Variants in THOC5 observed in about 807,000 individuals in gnomAD.
THOC5 encodes the protein THO complex subunit 5.
THOC5 carries 43 observed loss-of-function variants against 92.9 expected under a neutral mutation model. The ratio of observed to expected loss-of-function variants is 0.46; its 90% confidence interval spans 0.36 to 0.60. The LOEUF is 0.60. Among genes scored for constraint, THOC5 ranks in the 20% least tolerant of loss-of-function variants. The probability of loss-of-function intolerance (pLI) is 0.00; values close to 1 mark genes in which losing one functional copy is unlikely to be tolerated. For missense variants in THOC5, 659 were observed against 849.4 expected, an observed-to-expected ratio of 0.78 and a Z score of 2.79; for synonymous variants, 296 against 320.1, an observed-to-expected ratio of 0.92 and a Z score of 0.80.
At chr22:29,516,896 G>C in intron 17 of THOC5, 133 bp downstream of exon 17, 1 of 773,124 alleles carries the variant, frequency 1.3e-6, no homozygotes, top group Non-Finnish European at 2.2e-6. Flanking sequence ...TTGCTGAACA[G>C]GCTCTCACGA....
chr22:29,514,441 C>G (rs1264368680), intron 17 of THOC5, among the ~76,000 whole-genome samples: 1 of 151,088 alleles, frequency 6.6e-6, no homozygotes, highest in South Asian at 2.1e-4. Context: ...CTCACCCTCC[C>G]GAGTAGCTGG....
At chr22:29,537,870 G>A (rs764087344) in intron 6 of THOC5, among the ~76,000 whole-genome samples, 140 of 152,076 alleles carry the variant, frequency 9.2e-4, no homozygotes, top group African/African-American at 1.5e-3. Flanking sequence ...CAGCCTGGGC[G>A]ACAAGAGTGA....
At chr22:29,522,781 T>C (rs778965844) in intron 12 of THOC5, among the ~76,000 whole-genome samples, 3 of 151,760 alleles carry the variant, frequency 2.0e-5, no homozygotes, top group Non-Finnish European at 2.9e-5. Flanking sequence ...GGCGGGCAGA[T>C]CATGAGGTCA....
intron 12 of THOC5, among the ~76,000 whole-genome samples, 181 bp downstream of exon 12, chr22:29,525,657 C>T (rs1029799786): frequency 6.6e-6 from 1 of 152,176 alleles, no homozygotes; most frequent in Non-Finnish European, 1.5e-5. Context: ...AAATTAAAGT[C>T]AGAGAGTGCT....
chr22:29,534,334 TCTCTGGGATTTTGGGTG>T (rs2063712034), intron 7 of THOC5, among the ~76,000 whole-genome samples: 1 of 152,222 alleles, frequency 6.6e-6, no homozygotes, highest in Non-Finnish European at 1.5e-5. Context: ...TAATGTTCTT[TCTCTGGGATTTTGGGTG>T]CTGGTTATAC....
chr22:29,548,237 T>C (rs537912288), intron 2 of THOC5, among the ~76,000 whole-genome samples: 1 of 152,202 alleles, frequency 6.6e-6, no homozygotes, highest in Admixed American at 6.6e-5. Flanking sequence ...TCAATCAAAA[T>C]GGCTGCATGA....
chr22:29,549,462 T>C lies in THOC5; in HGVS notation c.-11-304A>G, dbSNP rs547649558. Among the ~76,000 whole-genome samples, 670 of 152,274 alleles carry C rather than the reference T, an allele frequency of 4.4e-3. 2 individuals carry two copies. Among genetic ancestry groups the C allele is most frequent in the Middle Eastern group, 0.024 (7 of 294 alleles). On this transcript the variant is annotated intron_variant, in intron 1 of 19. Coordinates refer to ENST00000490103, the MANE Select transcript of THOC5 (RefSeq NM_003678.5). Reference sequence around the variant, plus strand: ...ACACTCTCCATAGAGGAGACCTGCATTCAAGTGTTCACCCAGCTATCCAGG... The same window carrying C: ...ACACTCTCCATAGAGGAGACCTGCACTCAAGTGTTCACCCAGCTATCCAGG...
Position 29,507,413 on chromosome 22 carries a change from G to A in THOC5, c.*1044C>T, listed in dbSNP as rs1407450835. The A allele has an allele frequency of 6.6e-6, 1 of 152,206 alleles. No homozygotes were observed. Among genetic ancestry groups the A allele is most frequent in the Non-Finnish European group, 1.5e-5 (1 of 68,044 alleles). The allele number at this position is 152,206 out of a possible 1,614,324, so 9.4% of individuals were successfully genotyped here. ...GAGTCTCACTCTCGCCCAAGCCGGA[G>A]CGCAGGAGCGTGATCTTGGCTTACT... is the stretch of plus-strand genomic sequence containing the variant. On this transcript the variant is annotated 3_prime_UTR_variant, in exon 20 of 20. Coordinates refer to ENST00000490103, the MANE Select transcript of THOC5 (RefSeq NM_003678.5).
chr22:29,543,401 G>A, intron 4 of THOC5, 28 bp downstream of exon 4: 1 of 1,381,864 alleles, frequency 7.2e-7, no homozygotes, highest in Non-Finnish European at 1.0e-6. Context: ...GAAGGAGGAA[G>A]GTTAAAATTA....
Position 29,539,419 on chromosome 22 carries a change from T to C in THOC5, c.510A>G (p.Pro170=). ...TGACTTCGGCCTTGCTGATATCTGG[T>C]GGAGCCTCCTTATAAAACTCCTCTA... ...VSLEEFYKEA[P]PDISKAEVTM... is the part of the protein sequence containing the mutation. Residue 170 remains proline, a synonymous_variant, in exon 6 of 20, where the codon CCA becomes CCG. Transcript: ENST00000490103. 1 of 1,614,154 alleles carries C rather than the reference T, an allele frequency of 6.2e-7. No homozygotes were observed. Among genetic ancestry groups the C allele is most frequent in the South Asian group, 1.1e-5 (1 of 91,078 alleles).
chr22:29,539,367 G>C lies in THOC5; in HGVS notation c.562C>G (p.Leu188Val). 6 of 1,614,028 alleles carry C rather than the reference G, an allele frequency of 3.7e-6. No individual in the cohort carries two copies. The highest frequency in any genetic ancestry group is 5.1e-6 in the Non-Finnish European group (6 of 1,179,928). Reference sequence around the variant, plus strand: ...TCCAGCTCCCAGTCCAGACGTGCCAGTGTTTGCTGGTGAGGGTCTCCCATG... The same window carrying C: ...TCCAGCTCCCAGTCCAGACGTGCCACTGTTTGCTGGTGAGGGTCTCCCATG... ...VTMGDPHQQT[L>V]ARLDWELEQR... The change falls in exon 6 of 20, where the codon CTG becomes GTG. Residue 188 changes from leucine to valine, a missense_variant. Leu to Val is a conservative substitution (Grantham distance 32). Coordinates refer to ENST00000490103, the MANE Select transcript of THOC5 (RefSeq NM_003678.5).
chr22:29,537,320 T>A (rs2063779065), intron 6 of THOC5, among the ~76,000 whole-genome samples: 1 of 152,174 alleles, frequency 6.6e-6, no homozygotes, highest in Non-Finnish European at 1.5e-5. Flanking sequence ...CAGCCCCATC[T>A]GCTAAGACAC....
chr22:29,546,488 G>A (rs2064023290), intron 2 of THOC5, among the ~76,000 whole-genome samples: 1 of 151,930 alleles, frequency 6.6e-6, no homozygotes, highest in East Asian at 1.9e-4. Context: ...GGAGTGCAGT[G>A]GCATGATCTC....
In THOC5 at chr22:29,546,757, T is replaced by C. The variant is rs557609530; in HGVS notation, c.97-2154A>G. ...GCCCAGCCGGGTTTTTCTTTTCTAC[T>C]GTGTCATCAGGCTACAAATTTTCCA... is the stretch of plus-strand genomic sequence containing the variant. On this transcript the variant is annotated intron_variant, in intron 2 of 19. Transcript: ENST00000490103. Among the ~76,000 whole-genome samples, 5 of 151,928 alleles carry C rather than the reference T, an allele frequency of 3.3e-5. No individual in the cohort carries two copies. The South Asian group carries it at 1.0e-3, about 32-fold the overall frequency.
At chr22:29,533,049 G>A (rs1217977660) in intron 7 of THOC5, among the ~76,000 whole-genome samples, 1 of 152,132 alleles carries the variant, frequency 6.6e-6, no homozygotes, top group East Asian at 1.9e-4. Context: ...GAAATGAAAA[G>A]TCTAAAATAA....
At chr22:29,527,343 C>T (rs534113620) in intron 11 of THOC5, among the ~76,000 whole-genome samples, 1 of 152,248 alleles carries the variant, frequency 6.6e-6, no homozygotes, top group South Asian at 2.1e-4. Flanking sequence ...CGATTGAGCC[C>T]AGGAGGTTGA....
At chr22:29,519,986 T>C (rs533315856) in intron 14 of THOC5, 22 bp downstream of exon 14, 4 of 1,601,378 alleles carry the variant, frequency 2.5e-6, no homozygotes, top group South Asian at 1.1e-5. Context: ...CTCAGCCAAC[T>C]AGATGAGATC....
chr22:29,550,357 A>G (rs2064117129), intron 1 of THOC5, among the ~76,000 whole-genome samples: 1 of 151,644 alleles, frequency 6.6e-6, no homozygotes, highest in Non-Finnish European at 1.5e-5. Flanking sequence ...CCTCTCATCT[A>G]GTGATGCCAT....
At chr22:29,539,502 CT>C (rs756402655) in intron 5 of THOC5, 26 bp from the exon 6 acceptor site, 4 of 1,604,236 alleles carry the variant, frequency 2.5e-6, no homozygotes. Context: ...TGACATCAAG[CT>C]GCTGTTCTCA....
Sources: gnomAD v4.1 joint callset for allele counts (sites outside exome capture counted in the v4.1 genomes callset) on GRCh38, gnomAD v4.1.1 for gene constraint, MANE v1.5 for transcripts, NCBI Gene and HGNC (gene_info 2026-07-23, HGNC 2026-07-21) for gene names.